The following FNDC3B variants were observed in gnomAD, a reference collection of about 807,000 sequenced individuals.
FNDC3B encodes the protein fibronectin type III domain-containing protein 3B.
FNDC3B carries 12 observed loss-of-function variants against 151.5 expected under a neutral mutation model. The observed-to-expected ratio is 0.08, with a 90% confidence interval of 0.05 to 0.13. The LOEUF (loss-of-function observed/expected upper bound fraction) is 0.13, where lower values mean the gene tolerates loss of function less well. FNDC3B is among the 10% of genes least tolerant of loss of function. The probability of loss-of-function intolerance (pLI) is 1.00; values close to 1 mark genes in which losing one functional copy is unlikely to be tolerated. For synonymous variants in FNDC3B, 528 were observed against 549.0 expected (o/e 0.96, Z 0.54); for missense variants, 1,214 against 1,505.3 (o/e 0.81, Z 3.20).
chr3:172,187,280 G>A (rs1317492711), intron 3 of FNDC3B: 2 of 152,286 alleles, frequency 1.3e-5, no homozygotes, highest in Admixed American at 1.3e-4. Flanking sequence ...AAATGGAAAT[G>A]TGTTAAGCAA....
intron 3 of FNDC3B, among the ~76,000 whole-genome samples, chr3:172,204,270 C>T (rs927369264): frequency 2.0e-5 from 3 of 152,142 alleles, no homozygotes; most frequent in East Asian, 1.9e-4. Flanking sequence ...GCACCGGAGA[C>T]GCTTCTTAAG....
intron 15 of FNDC3B, 119 bp downstream of exon 15, chr3:172,335,201 T>C: frequency 4.9e-6 from 5 of 1,029,560 alleles, no homozygotes; most frequent in Non-Finnish European, 6.9e-6. Context: ...TTGCAGAAGT[T>C]TTCTGCATTC....
chr3:172,326,347 A>G (rs1181492209), intron 11 of FNDC3B, among the ~76,000 whole-genome samples: 3 of 152,180 alleles, frequency 2.0e-5, no homozygotes, highest in Admixed American at 1.3e-4. Context: ...ACTGAATTCC[A>G]GGGTTTTAAC....
At chr3:172,330,401 A>C in intron 12 of FNDC3B, 140 bp from the exon 13 acceptor site, 2 of 639,182 alleles carry the variant, frequency 3.1e-6, no homozygotes, top group Non-Finnish European at 5.3e-6. Flanking sequence ...AGGGAATATC[A>C]CACACAGCAT....
rs1427058339 is a variant in FNDC3B at position 172,399,755 on chromosome 3, C to G, written c.*2280C>G. The G allele has an allele frequency of 1.3e-5, 2 of 152,594 alleles. No individual in the cohort carries two copies. The highest frequency in any genetic ancestry group is 2.4e-5 in the African/African-American group (1 of 41,440). The allele number at this position is 152,594 out of a possible 1,614,324, so 9.5% of individuals were successfully genotyped here. On this transcript the variant is annotated 3_prime_UTR_variant, in exon 26 of 26. Transcript: ENST00000415807. ...AATGAAAATTCAACTGAGTACAAAG[C>G]CCCCTCTTGGGGGGTTGGGGAAGTC... is the stretch of plus-strand genomic sequence containing the variant.
At chr3:172,134,388 C>G (rs761766491) in intron 3 of FNDC3B, 4 of 518,396 alleles carry the variant, frequency 7.7e-6, no homozygotes, top group African/African-American at 7.7e-5. Context: ...TATGATAGCT[C>G]TTTTTGACAG....
At chr3:172,225,515 C>A in intron 3 of FNDC3B, 1 of 206,726 alleles carries the variant, frequency 4.8e-6, no homozygotes, top group South Asian at 8.4e-5. Context: ...CATAAAAACT[C>A]CAGCATCACA....
At chr3:172,082,504 A>G (rs952760683) in intron 1 of FNDC3B, among the ~76,000 whole-genome samples, 2 of 150,812 alleles carry the variant, frequency 1.3e-5, no homozygotes, top group African/African-American at 4.9e-5. Context: ...TCATGGGATT[A>G]TAGGGCCGGG....
intron 2 of FNDC3B, among the ~76,000 whole-genome samples, chr3:172,114,547 C>T (rs1194762736): frequency 1.3e-5 from 2 of 152,112 alleles, no homozygotes; most frequent in Non-Finnish European, 2.9e-5. Flanking sequence ...GCATATCTTA[C>T]CTCAACTCTA....
intron 6 of FNDC3B, among the ~76,000 whole-genome samples, chr3:172,251,747 A>G (rs1175080919): frequency 6.6e-6 from 1 of 152,260 alleles, no homozygotes; most frequent in Non-Finnish European, 1.5e-5. Flanking sequence ...TGGCAGAAAT[A>G]CTACATTTTG....
chr3:172,070,564 C>T (rs1347829670), intron 1 of FNDC3B, among the ~76,000 whole-genome samples: 1 of 152,224 alleles, frequency 6.6e-6, no homozygotes, highest in Non-Finnish European at 1.5e-5. Flanking sequence ...AATCCTAGCA[C>T]TCCGGCTACT....
intron 5 of FNDC3B, 94 bp from the exon 6 acceptor site, chr3:172,251,166 T>C (rs1315673911): frequency 1.0e-6 from 1 of 991,280 alleles, no homozygotes; most frequent in Admixed American, 2.6e-5. Context: ...CTTTATACTT[T>C]AGACTTCTTC....
intron 6 of FNDC3B, among the ~76,000 whole-genome samples, chr3:172,262,717 G>A (rs991064693): frequency 1.3e-4 from 19 of 150,124 alleles, no homozygotes; most frequent in Admixed American, 8.0e-4. Context: ...AGCCTGGACA[G>A]CATAGCAAGA....
chr3:172,121,838 A>G (rs1297768091), intron 2 of FNDC3B, among the ~76,000 whole-genome samples: 1 of 152,162 alleles, frequency 6.6e-6, no homozygotes, highest in African/African-American at 2.4e-5. Flanking sequence ...AAGTGCTGGG[A>G]TTACAGGTGT....
Position 172,343,068 on chromosome 3 carries a change from C to T in FNDC3B, c.2029C>T (p.Pro677Ser). 1 of 1,613,528 alleles carries T rather than the reference C, an allele frequency of 6.2e-7. No homozygotes were observed. Among genetic ancestry groups the T allele is most frequent in the Non-Finnish European group, 8.5e-7 (1 of 1,179,680 alleles). Residue 677 changes from proline to serine, a missense_variant, in exon 18 of 26, where the codon CCG (proline) becomes TCG (serine). By Grantham distance (74) the Pro-to-Ser change is moderately conservative. This residue lies in a region of FNDC3B where 380 missense variants were observed against 420.9 expected (regional missense o/e 0.90). Coordinates refer to ENST00000415807, the MANE Select transcript of FNDC3B (RefSeq NM_022763.4). Reference sequence around the variant, plus strand: ...CATTGCACCAGGTCAATGTCGACCACCGAGGGTTTTGGGTAGACCAAAGCA... The same window carrying T: ...CATTGCACCAGGTCAATGTCGACCATCGAGGGTTTTGGGTAGACCAAAGCA... ...LSIAPGQCRP[P>S]RVLGRPKHKE...
chr3:172,254,850 C>A (rs1483426447), intron 6 of FNDC3B, among the ~76,000 whole-genome samples: 4 of 152,158 alleles, frequency 2.6e-5, no homozygotes, highest in Non-Finnish European at 5.9e-5. Flanking sequence ...TAGTACTTGG[C>A]TTAGAATTGG....
intron 3 of FNDC3B, among the ~76,000 whole-genome samples, chr3:172,196,416 G>A (rs530603497): frequency 5.9e-5 from 9 of 152,120 alleles, no homozygotes; most frequent in African/African-American, 2.2e-4. Flanking sequence ...CAAACTCTTG[G>A]CCTGAAGGAT....
Position 172,330,682 on chromosome 3 carries a change from C to T in FNDC3B, c.1521C>T (p.Ile507=). 6.2e-7 allele frequency: 1 copy of T among 1,613,554 alleles called. No individual in the cohort carries two copies. The highest frequency in any genetic ancestry group is 1.1e-5 in the South Asian group (1 of 90,936). ...KPEGCSPEEV[I]TYTLEIQEDE... ...AAGGCTGTTCACCCGAGGAAGTGAT[C>T]ACCTACACCTTGGAAATTCAGGAGG... The change falls in exon 13 of 26, where the codon ATC becomes ATT. Residue 507 remains isoleucine (I), a synonymous_variant. Transcript: ENST00000415807.
rs889609471 is a variant in FNDC3B at position 172,192,338 on chromosome 3, AATTATT to A, written c.188-34520_188-34515del. Among the ~76,000 whole-genome samples the A allele has an allele frequency of 1.3e-3, 200 of 151,548 alleles. 1 individual carries two copies. The highest frequency in any genetic ancestry group is 2.2e-4 in the Non-Finnish European group (15 of 67,844). On this transcript the variant is annotated intron_variant, in intron 3 of 25. Coordinates refer to ENST00000415807, the MANE Select transcript of FNDC3B (RefSeq NM_022763.4). ...CAGGCATGTGCCACCACCCCTGGCT[AATTATT>A]ATTATTATTATTTTGTGTTTTTAGT...
Sources: gnomAD v4.1 joint callset for allele counts (sites outside exome capture counted in the v4.1 genomes callset) on GRCh38, gnomAD v4.1.1 for gene constraint, gnomAD v4.1.1 regional missense constraint, MANE v1.5 for transcripts, NCBI Gene and HGNC (gene_info 2026-07-23, HGNC 2026-07-21) for gene names.